TFAP2D: variants seen among roughly 807,000 people sequenced by gnomAD.
The protein encoded by TFAP2D is transcription factor AP-2-delta.
A neutral mutation model predicts 43.6 loss-of-function variants in TFAP2D; 9 were observed. The ratio of observed to expected loss-of-function variants is 0.21; its 90% confidence interval spans 0.12 to 0.36. The LOEUF is 0.36. Among genes scored for constraint, TFAP2D ranks in the 10% least tolerant of loss-of-function variants. TFAP2D has a pLI of 1.00. For synonymous variants in TFAP2D, 256 were observed against 224.9 expected (o/e 1.14, Z -1.24); for missense variants, 513 against 561.4 (o/e 0.91, Z 0.87).
chr6:50,733,494 T>C (rs1768921488), intron 5 of TFAP2D, among the ~76,000 whole-genome samples: 1 of 152,162 alleles, frequency 6.6e-6, no homozygotes. Context: ...AATAATTTTA[T>C]ACTCTTCTAG....
intron 5 of TFAP2D, among the ~76,000 whole-genome samples, chr6:50,731,673 T>C (rs1768895857): frequency 6.6e-6 from 1 of 152,066 alleles, no homozygotes; most frequent in South Asian, 2.1e-4. Flanking sequence ...ACAAGGACAT[T>C]ATATCTACAT....
chr6:50,753,272 G>T (rs533762894), intron 7 of TFAP2D, among the ~76,000 whole-genome samples: 1 of 152,022 alleles, frequency 6.6e-6, no homozygotes, highest in Admixed American at 6.6e-5. Context: ...TCCAATTACA[G>T]ATGCTGAGGC....
chr6:50,715,456 T>A lies in TFAP2D; in HGVS notation c.380T>A (p.Leu127Gln), dbSNP rs763638507. 8.1e-6 allele frequency: 13 copies of A among 1,614,136 alleles called. No homozygotes were observed. The highest frequency in any genetic ancestry group is 1.1e-5 in the Non-Finnish European group (13 of 1,180,032). ...GCGCGGGCGCTCAAGTCGTCCTGCC[T>A]GGACGAGCAGAGGCGGGAGCTGGGC... ...HNARALKSSC[L>Q]DEQRRELGCL... Residue 127 changes from leucine to glutamine, a missense_variant, in exon 2 of 8, where the codon CTG becomes CAG. Transcript: ENST00000008391.
chr6:50,757,488 T>C (rs867559670), intron 7 of TFAP2D, among the ~76,000 whole-genome samples: 1 of 98,862 alleles, frequency 1.0e-5, no homozygotes, highest in Non-Finnish European at 1.8e-5. Context: ...TCTATATATA[T>C]ATAATATATA....
At chr6:50,755,690 T>C (rs562249515) in intron 7 of TFAP2D, among the ~76,000 whole-genome samples, 80 of 152,050 alleles carry the variant, frequency 5.3e-4, no homozygotes, top group African/African-American at 1.9e-3. Context: ...TACTAATATA[T>C]TAAAAACATT....
At chr6:50,715,657 G>T (rs769033480) in intron 2 of TFAP2D, 44 bp downstream of exon 2, 3 of 1,536,736 alleles carry the variant, frequency 2.0e-6, no homozygotes, top group South Asian at 1.2e-5. Flanking sequence ...TCCCCTCTTC[G>T]CCCTCCCCCT....
intron 7 of TFAP2D, among the ~76,000 whole-genome samples, chr6:50,771,348 TTA>T (rs1317306614): frequency 6.6e-6 from 1 of 152,200 alleles, no homozygotes; most frequent in Non-Finnish European, 1.5e-5. Flanking sequence ...TCACTTCTCT[TTA>T]TGTTACATTG....
rs565631362 is a variant in TFAP2D at position 50,724,165 on chromosome 6, G to C, written c.599-4691G>C. Among the ~76,000 whole-genome samples, 54 of 152,162 alleles carry C rather than the reference G, an allele frequency of 3.5e-4. No homozygotes were observed. In the Middle Eastern group the frequency reaches 0.01, roughly 29 times the overall value. ...GTTAGGAAGGGTGAGAGGCTAGAGA[G>C]GAAGCAGCAGAGAATAATTCTCCCC... On this transcript the variant is annotated intron_variant, in intron 3 of 7. Transcript: ENST00000008391.
chr6:50,715,706 TTC>T (rs973852970), intron 2 of TFAP2D, 93 bp downstream of exon 2: 51 of 1,275,872 alleles, frequency 4.0e-5, no homozygotes, highest in African/African-American at 9.1e-5. Flanking sequence ...GCGTCTCTCT[TTC>T]TCTCTCTCTT....
intron 5 of TFAP2D, among the ~76,000 whole-genome samples, chr6:50,740,672 C>T (rs572857769): frequency 2.6e-5 from 4 of 152,168 alleles, no homozygotes; most frequent in Middle Eastern, 6.8e-3. Context: ...CTCCTGACCT[C>T]GTGATCCACT....
intron 7 of TFAP2D, among the ~76,000 whole-genome samples, chr6:50,761,553 T>C (rs756846141): frequency 6.6e-6 from 1 of 152,050 alleles, no homozygotes; most frequent in Non-Finnish European, 1.5e-5. Context: ...AGAAAGGTGC[T>C]GGATACCAGG....
chr6:50,764,725 GTATGCATTGATAA>G (rs1424067053), intron 7 of TFAP2D, among the ~76,000 whole-genome samples: 1 of 152,146 alleles, frequency 6.6e-6, no homozygotes, highest in African/African-American at 2.4e-5. Flanking sequence ...GTCAGGTGAA[GTATGCATTGATAA>G]TAATAGTTTT....
At chr6:50,731,157 C>G (rs1266480805) in intron 5 of TFAP2D, among the ~76,000 whole-genome samples, 1 of 152,008 alleles carries the variant, frequency 6.6e-6, no homozygotes, top group Non-Finnish European at 1.5e-5. Flanking sequence ...CCTACTCTTT[C>G]TGCATACCTC....
intron 7 of TFAP2D, among the ~76,000 whole-genome samples, chr6:50,752,181 A>G (rs1034966873): frequency 2.0e-5 from 3 of 151,962 alleles, no homozygotes; most frequent in Non-Finnish European, 4.4e-5. Context: ...TAGCCTGCAC[A>G]TTGTGCACAT....
chr6:50,749,098 T>A (rs1396942782), intron 6 of TFAP2D, among the ~76,000 whole-genome samples: 2 of 151,806 alleles, frequency 1.3e-5, no homozygotes, highest in African/African-American at 4.8e-5. Flanking sequence ...ACAGGGAATC[T>A]ACAGGATTGT....
chr6:50,719,116 T>C lies in TFAP2D; in HGVS notation c.564T>C (p.Leu188=). 6.2e-7 allele frequency: 1 copy of C among 1,614,070 alleles called. No homozygotes were observed. ...GCTCTGTGGAGGCCCAGTGTGGGCTTGTTCTCAATGGCCAAGGTGGAGTGA... is the reference window on the plus strand; with the variant it reads ...GCTCTGTGGAGGCCCAGTGTGGGCTCGTTCTCAATGGCCAAGGTGGAGTGA... The part of the protein sequence containing the change: ...LQGSVEAQCG[L]VLNGQGGVIR... Residue 188 remains leucine, a synonymous_variant, in exon 3 of 8, where the codon CTT becomes CTC. Transcript: ENST00000008391.
Position 50,719,153 on chromosome 6 carries a change from A to G in TFAP2D, c.598+3A>G. 6.2e-7 allele frequency: 1 copy of G among 1,613,356 alleles called. No homozygotes were observed. Among genetic ancestry groups the G allele is most frequent in the Non-Finnish European group, 8.5e-7 (1 of 1,179,498 alleles). On this transcript the variant is annotated splice_donor_region_variant and intron_variant, in intron 3 of 7. Transcript: ENST00000008391. ...CCAAGGTGGAGTGATAAGAAGAGGT[A>G]AGTAACAAGTAACAACATGTTAACC...
intron 7 of TFAP2D, among the ~76,000 whole-genome samples, chr6:50,766,738 G>A (rs1326978920): frequency 1.6e-5 from 2 of 126,096 alleles, no homozygotes; most frequent in East Asian, 2.7e-4. Context: ...GCGCAATCTC[G>A]GCTCACTGCA....
chr6:50,724,423 A>G (rs1184631513), intron 3 of TFAP2D, among the ~76,000 whole-genome samples: 2 of 152,196 alleles, frequency 1.3e-5, no homozygotes, highest in African/African-American at 4.8e-5. Flanking sequence ...GATTTGGTCT[A>G]ATTATGTCAA....
Sources: allele counts gnomAD v4.1 joint callset (sites outside exome capture counted in the v4.1 genomes callset), GRCh38; gene constraint gnomAD v4.1.1; transcripts MANE v1.5; gene names NCBI Gene and HGNC (gene_info 2026-07-23, HGNC 2026-07-21).